Variants in CADPS2 observed in about 807,000 individuals in gnomAD.
The protein encoded by CADPS2 is calcium dependent secretion activator 2.
In CADPS2, 93 loss-of-function variants were observed where a neutral mutation model predicts 172.5. The ratio of observed to expected loss-of-function variants is 0.54; its 90% CI spans 0.46 to 0.64. The LOEUF (loss-of-function observed/expected upper bound fraction) is 0.64, where lower values mean the gene tolerates loss of function less well. Among genes scored for constraint, CADPS2 ranks in the 30% least tolerant of loss-of-function variants. CADPS2 has a pLI of 0.00. For missense variants in CADPS2, 1,420 were observed against 1,565.9 expected (o/e 0.91, Z 1.57); for synonymous variants, 546 against 555.2 (o/e 0.98, Z 0.23).
rs1290937419 is a variant in CADPS2 at position 122,334,707 on chromosome 7, T to C, written c.3613-9126A>G. 2.6e-5 allele frequency among the ~76,000 whole-genome samples: 4 copies of C among 152,136 alleles called. No individual in the cohort carries two copies. The East Asian group carries it at 7.7e-4, about 29-fold the overall frequency. ...CACTTGAAGCAGAGGGAGAAATAAA[T>C]AAACAATTTAATAGATTAATTATTA... On this transcript the variant is annotated intron_variant, in intron 28 of 29. Coordinates refer to ENST00000449022, the MANE Select transcript of CADPS2 (RefSeq NM_017954.11).
Position 122,471,460 on chromosome 7 carries a change from C to G in CADPS2, c.2101G>C (p.Glu701Gln), listed in dbSNP as rs762160406. The change falls in exon 14 of 30, where the codon GAA (glutamate) becomes CAA (glutamine). Residue 701 changes from glutamate to glutamine, a missense_variant. Glu to Gln is a conservative substitution (Grantham distance 29, BLOSUM62 2). Transcript: ENST00000449022. ...RHLCYLAELM[E>Q]HSENGAVIDP... is the part of the protein sequence containing the mutation. Reference sequence around the variant, plus strand: ...ATGACAGCACCATTTTCTGAATGTTCCATCAGTTCTGCAAGGTAGCAGAGA... The same window carrying G: ...ATGACAGCACCATTTTCTGAATGTTGCATCAGTTCTGCAAGGTAGCAGAGA... 8 of 1,613,416 alleles carry G rather than the reference C, an allele frequency of 5.0e-6. No individual in the cohort carries two copies. Among genetic ancestry groups the G allele is most frequent in the Non-Finnish European group, 6.8e-6 (8 of 1,179,690 alleles).
chr7:122,745,551 T>A (rs2138155897), intron 1 of CADPS2, among the ~76,000 whole-genome samples: 1 of 151,396 alleles, frequency 6.6e-6, no homozygotes, highest in African/African-American at 2.4e-5. Context: ...GCTTATTATT[T>A]AAGTCTTTCC....
intron 8 of CADPS2, among the ~76,000 whole-genome samples, chr7:122,548,400 T>C (rs1355800839): frequency 6.6e-6 from 1 of 151,832 alleles, no homozygotes; most frequent in Non-Finnish European, 1.5e-5. Context: ...AAAATAAAAA[T>C]GAATCACACA....
chr7:122,365,986 G>A (rs1466947384), intron 25 of CADPS2, among the ~76,000 whole-genome samples: 1 of 152,048 alleles, frequency 6.6e-6, no homozygotes, highest in Admixed American at 6.5e-5. Flanking sequence ...AGGAATATTT[G>A]CATCATTTAC....
chr7:122,499,308 G>A (rs1429870703), intron 9 of CADPS2, among the ~76,000 whole-genome samples: 2 of 152,090 alleles, frequency 1.3e-5, no homozygotes, highest in African/African-American at 2.4e-5. Context: ...TTCTCTGCAT[G>A]AGCAATAAAA....
chr7:122,489,615 T>C (rs570523834), intron 11 of CADPS2, among the ~76,000 whole-genome samples: 9 of 152,272 alleles, frequency 5.9e-5, no homozygotes, highest in African/African-American at 2.2e-4. Context: ...TATGACTTAT[T>C]ATTTTTATCA....
chr7:122,764,018 T>C (rs1009554643), intron 1 of CADPS2, among the ~76,000 whole-genome samples: 2 of 152,162 alleles, frequency 1.3e-5, no homozygotes, highest in East Asian at 1.9e-4. Flanking sequence ...TTTAGGCACA[T>C]AATTATAACC....
In CADPS2 at chr7:122,845,321, T is replaced by C. The variant is rs1263731388; in HGVS notation, c.339+40678A>G. ...AGCAACCTCACACAAAGCAGCTTCT[T>C]GCCTAGCATGAGATGGTCTCAAAAG... is the stretch of plus-strand genomic sequence containing the variant. On this transcript the variant is annotated intron_variant, in intron 1 of 29. Coordinates refer to ENST00000449022, the MANE Select transcript of CADPS2 (RefSeq NM_017954.11). Among the ~76,000 whole-genome samples the C allele has an allele frequency of 3.3e-5, 5 of 152,178 alleles. No individual in the cohort carries two copies. The South Asian group carries it at 1.0e-3, about 31-fold the overall frequency.
At chr7:122,705,399 G>A (rs572004594) in intron 2 of CADPS2, among the ~76,000 whole-genome samples, 7 of 142,432 alleles carry the variant, frequency 4.9e-5, no homozygotes, top group East Asian at 4.0e-4. Flanking sequence ...AGGTTACAGA[G>A]AATTGAAATA....
intron 1 of CADPS2, among the ~76,000 whole-genome samples, chr7:122,828,398 AT>A (rs1176529848): frequency 1.3e-5 from 2 of 151,190 alleles, no homozygotes; most frequent in Non-Finnish European, 2.9e-5. Context: ...TAGAACTTTC[AT>A]TTTTAAGATA....
chr7:122,709,843 T>C (rs1474109697), intron 2 of CADPS2, among the ~76,000 whole-genome samples: 1 of 151,552 alleles, frequency 6.6e-6, no homozygotes, highest in Non-Finnish European at 1.5e-5. Context: ...CACTCATAGA[T>C]GGGAATTGAA....
chr7:122,708,323 A>T (rs2087937393), intron 2 of CADPS2, among the ~76,000 whole-genome samples: 1 of 151,476 alleles, frequency 6.6e-6, no homozygotes, highest in African/African-American at 2.4e-5. Flanking sequence ...TCCTTATGCA[A>T]AATTGTATCT....
At chr7:122,345,984 A>T (rs910360178) in intron 27 of CADPS2, among the ~76,000 whole-genome samples, 1 of 150,250 alleles carries the variant, frequency 6.7e-6, no homozygotes, top group African/African-American at 2.5e-5. Context: ...AAATGAATAA[A>T]TTTTTCCAAA....
rs192773906 is a variant in CADPS2 at position 122,465,141 on chromosome 7, C to G, written c.2186+6234G>C. Among the ~76,000 whole-genome samples, 6 of 152,076 alleles carry G rather than the reference C, an allele frequency of 3.9e-5. No homozygotes were observed. In the East Asian group the frequency reaches 1.2e-3, roughly 29 times the overall value. On this transcript the variant is annotated intron_variant, in intron 14 of 29. Transcript: ENST00000449022. ...AAAAGAGAGAGAAGGTAAAAATGAACAATATTAGACTGAGGAAGGGAAGAA... is the reference window on the plus strand; with the variant it reads ...AAAAGAGAGAGAAGGTAAAAATGAAGAATATTAGACTGAGGAAGGGAAGAA...
chr7:122,674,329 G>A (rs1384168532), intron 2 of CADPS2, among the ~76,000 whole-genome samples: 2 of 152,198 alleles, frequency 1.3e-5, no homozygotes, highest in African/African-American at 4.8e-5. Context: ...AGTGGACATC[G>A]AGGCTGAGGA....
At chr7:122,750,147 C>G (rs1364270897) in intron 1 of CADPS2, among the ~76,000 whole-genome samples, 2 of 152,074 alleles carry the variant, frequency 1.3e-5, no homozygotes, top group Non-Finnish European at 2.9e-5. Context: ...AACTGAATGA[C>G]TATTGTATGC....
chr7:122,449,066 G>C (rs995913100), intron 15 of CADPS2, among the ~76,000 whole-genome samples: 16 of 152,198 alleles, frequency 1.1e-4, no homozygotes, highest in Admixed American at 2.0e-4. Context: ...AAGCTTGCCT[G>C]CTCGAGACCT....
chr7:122,583,692 CAT>C (rs905048835), intron 6 of CADPS2, among the ~76,000 whole-genome samples: 17 of 151,000 alleles, frequency 1.1e-4, no homozygotes, highest in South Asian at 4.2e-4. Flanking sequence ...TACGTATATA[CAT>C]ATGTCCTTCA....
intron 1 of CADPS2, among the ~76,000 whole-genome samples, chr7:122,855,295 A>C (rs1814872627): frequency 6.6e-6 from 1 of 152,346 alleles, no homozygotes; most frequent in Non-Finnish European, 1.5e-5. Flanking sequence ...TGAAAGTGAG[A>C]GGTACTATAC....
Sources: allele counts gnomAD v4.1 joint callset (sites outside exome capture counted in the v4.1 genomes callset), GRCh38; gene constraint gnomAD v4.1.1; transcripts MANE v1.5; gene names NCBI Gene and HGNC (gene_info 2026-07-23, HGNC 2026-07-21).